Variants in ST6GALNAC3 observed in about 807,000 individuals in gnomAD.
ST6GALNAC3 encodes the protein alpha-N-acetylgalactosaminide alpha-2,6-sialyltransferase 3.
A neutral mutation model predicts 32.7 loss-of-function variants in ST6GALNAC3; 25 were observed. The observed-to-expected ratio is 0.76, with a 90% confidence interval of 0.56 to 1.07. The LOEUF (loss-of-function observed/expected upper bound fraction) is 1.07. Ranked by LOEUF, ST6GALNAC3 falls within the 50% of genes least tolerant of loss-of-function variation. The pLI is 0.00. For synonymous variants in ST6GALNAC3, 129 were observed against 133.1 expected (o/e 0.97, Z 0.21); for missense variants, 355 against 382.4 (o/e 0.93, Z 0.60).
chr1:76,628,883 A>G lies in ST6GALNAC3; in HGVS notation c.*77A>G. On this transcript the variant is annotated 3_prime_UTR_variant, in exon 5 of 5. Coordinates refer to ENST00000328299, the MANE Select transcript of ST6GALNAC3 (RefSeq NM_152996.4). The stretch of plus-strand genomic sequence containing the variant: ...ACTGTGATGCTGATGATGCTAATGG[A>G]GATGATGGTAATGATAAAGACAACA... The G allele has an allele frequency of 1.3e-6, 2 of 1,572,538 alleles. No homozygotes were observed. The highest frequency in any genetic ancestry group is 8.6e-7 in the Non-Finnish European group (1 of 1,166,590).
At chr1:76,525,787 GTGTGTA>G (rs1316887548) in intron 3 of ST6GALNAC3, among the ~76,000 whole-genome samples, 1,376 of 71,204 alleles carry the variant, frequency 0.019, 16 homozygotes, top group Non-Finnish European at 0.032. Flanking sequence ...GTGTGTGTGT[GTGTGTA>G]TATATATATA....
chr1:76,358,130 C>A (rs1440517066), intron 2 of ST6GALNAC3, among the ~76,000 whole-genome samples: 1 of 152,112 alleles, frequency 6.6e-6, no homozygotes, highest in African/African-American at 2.4e-5. Context: ...CTTTTGCTGG[C>A]TTTTTTGCCC....
chr1:76,262,241 G>T (rs781614634), intron 1 of ST6GALNAC3, among the ~76,000 whole-genome samples: 7 of 152,260 alleles, frequency 4.6e-5, no homozygotes, highest in Admixed American at 6.5e-5. Flanking sequence ...TTCTATTTGG[G>T]GAAATGGAGG....
intron 2 of ST6GALNAC3, among the ~76,000 whole-genome samples, chr1:76,332,418 T>C (rs144698655): frequency 6.6e-6 from 1 of 152,336 alleles, no homozygotes; most frequent in Non-Finnish European, 1.5e-5. Context: ...AATTGTGAGA[T>C]TGATTTTCCT....
chr1:76,306,455 C>T (rs998159312), intron 1 of ST6GALNAC3, among the ~76,000 whole-genome samples: 9 of 152,108 alleles, frequency 5.9e-5, no homozygotes, highest in African/African-American at 2.2e-4. Context: ...ACGCCTTCAA[C>T]ATGGTAATCT....
intron 1 of ST6GALNAC3, among the ~76,000 whole-genome samples, chr1:76,292,775 C>G: frequency 6.6e-6 from 1 of 152,122 alleles, no homozygotes; most frequent in Non-Finnish European, 1.5e-5. Context: ...GATTCTGTGC[C>G]CTTTTCTGTA....
intron 1 of ST6GALNAC3, among the ~76,000 whole-genome samples, chr1:76,165,913 C>A (rs563704539): frequency 1.1e-4 from 17 of 152,082 alleles, no homozygotes; most frequent in African/African-American, 3.6e-4. Flanking sequence ...AGATATTAGA[C>A]CTTTGTCAGA....
chr1:76,488,272 A>AC (rs1307003408), intron 3 of ST6GALNAC3, among the ~76,000 whole-genome samples: 1 of 151,448 alleles, frequency 6.6e-6, no homozygotes, highest in African/African-American at 2.4e-5. Flanking sequence ...TGGCACCTCC[A>AC]CCCCCACTCT....
rs1373592148 is a variant in ST6GALNAC3, at chr1:76,634,093, T to A, written c.*5287T>A. On this transcript the variant is annotated 3_prime_UTR_variant, in exon 5 of 5. Coordinates refer to ENST00000328299, the MANE Select transcript of ST6GALNAC3 (RefSeq NM_152996.4). The stretch of plus-strand genomic sequence containing the variant: ...TTTGTTTCTTTTCAGAATAGGCACT[T>A]TTTTTTGAGTAGAAAACCTCTTCTT... The A allele has an allele frequency of 1.0e-6, 1 of 956,390 alleles. No homozygotes were observed. The highest frequency in any genetic ancestry group is 1.1e-4 in the East Asian group (1 of 8,702). 59.2% of individuals were successfully genotyped at this position (956,390 alleles called of 1,614,324 possible).
rs1051570214 is a variant in ST6GALNAC3 at position 76,509,807 on chromosome 1, C to T, written c.623+97390C>T. Among the ~76,000 whole-genome samples, 3 of 152,142 alleles carry T rather than the reference C, an allele frequency of 2.0e-5. No homozygotes were observed. Among genetic ancestry groups the T allele is most frequent in the African/African-American group, 7.2e-5 (3 of 41,428 alleles). On this transcript the variant is annotated intron_variant, in intron 3 of 4. Transcript: ENST00000328299. This position sits in a 1 kb window ranked among gnomAD's most constrained non-coding sequence, Gnocchi z 5.5. ...TCTCACATATCTTTTCCTCACATTGCTGTTTCTCTATTTCTCTTTTAAGGA... is the reference window on the plus strand; with the variant it reads ...TCTCACATATCTTTTCCTCACATTGTTGTTTCTCTATTTCTCTTTTAAGGA...
intron 3 of ST6GALNAC3, among the ~76,000 whole-genome samples, chr1:76,506,606 A>G (rs143372537): frequency 6.6e-6 from 1 of 152,350 alleles, no homozygotes; most frequent in East Asian, 1.9e-4. Flanking sequence ...GAATATATCG[A>G]CATGCTTTTC....
At chr1:76,196,757 C>T (rs1345409781) in intron 1 of ST6GALNAC3, among the ~76,000 whole-genome samples, 1 of 152,174 alleles carries the variant, frequency 6.6e-6, no homozygotes, top group East Asian at 1.9e-4. Context: ...GCCACTGTAC[C>T]TGGCCTCTCA....
In ST6GALNAC3 at chr1:76,319,101, C is replaced by G. The variant is rs188875549; in HGVS notation, c.213+5102C>G. On this transcript the variant is annotated intron_variant, in intron 2 of 4. Coordinates refer to ENST00000328299, the MANE Select transcript of ST6GALNAC3 (RefSeq NM_152996.4). Reference sequence around the variant, plus strand: ...TTGGGTGATCAATAGGATGCCAAGGCCAGATCTTATTGGTAATCAGTGAGG... The same window carrying G: ...TTGGGTGATCAATAGGATGCCAAGGGCAGATCTTATTGGTAATCAGTGAGG... 3.5e-4 allele frequency among the ~76,000 whole-genome samples: 53 copies of G among 152,190 alleles called. 1 individual carries two copies. In the East Asian group the frequency reaches 7.5e-3, roughly 22 times the overall value.
intron 3 of ST6GALNAC3, among the ~76,000 whole-genome samples, chr1:76,468,573 C>G (rs369881345): frequency 2.6e-4 from 40 of 152,100 alleles, no homozygotes; most frequent in African/African-American, 9.6e-4. Flanking sequence ...GCGGCCTTCA[C>G]TCACTCCTTT....
At chr1:76,364,271 A>T (rs977236513) in intron 2 of ST6GALNAC3, among the ~76,000 whole-genome samples, 1 of 152,170 alleles carries the variant, frequency 6.6e-6, no homozygotes, top group Admixed American at 6.5e-5. Context: ...ACTCTTGGTC[A>T]GGCGCGGTGG....
At chr1:76,572,450 A>G (rs941793267) in intron 3 of ST6GALNAC3, among the ~76,000 whole-genome samples, 5 of 152,110 alleles carry the variant, frequency 3.3e-5, no homozygotes, top group African/African-American at 1.2e-4. Context: ...TTTCATATCT[A>G]TAACCTCTTG....
chr1:76,635,143 C>T (rs171017), downstream of ST6GALNAC3, among the ~76,000 whole-genome samples: 18,748 of 152,130 alleles, frequency 0.12, 2,022 homozygotes, highest in African/African-American at 0.3. Context: ...TGGGTTAGCA[C>T]ATAAGCTGCA....
chr1:76,490,834 A>C (rs985505964), intron 3 of ST6GALNAC3, among the ~76,000 whole-genome samples: 1 of 150,332 alleles, frequency 6.7e-6, no homozygotes, highest in East Asian at 1.9e-4. Flanking sequence ...TGATGCATTT[A>C]GTTTCTTTTT....
intron 1 of ST6GALNAC3, among the ~76,000 whole-genome samples, chr1:76,294,375 T>C (rs574568799): frequency 6.6e-6 from 1 of 152,172 alleles, no homozygotes; most frequent in South Asian, 2.1e-4. Context: ...AAAAAAACCT[T>C]TGAAATATTT....
Sources: gnomAD v4.1 joint callset for allele counts (sites outside exome capture counted in the v4.1 genomes callset) on GRCh38, gnomAD v4.1.1 for gene constraint, Gnocchi (gnomAD v3.1) non-coding constraint, MANE v1.5 for transcripts, NCBI Gene and HGNC (gene_info 2026-07-23, HGNC 2026-07-21) for gene names.